DLG5: variants seen among roughly 807,000 people sequenced by gnomAD.
The protein encoded by DLG5 is disks large homolog 5.
Under a neutral mutation model 189.8 loss-of-function variants are expected in DLG5, and 48 were observed. That is an observed-to-expected ratio of 0.25 (90% CI 0.20 to 0.32). The LOEUF (loss-of-function observed/expected upper bound fraction) is 0.32, where lower values mean the gene tolerates loss of function less well. DLG5 is among the 10% of genes least tolerant of loss of function. DLG5 has a pLI of 1.00. For synonymous variants in DLG5, 1,016 were observed against 1,054.1 expected, an observed-to-expected ratio of 0.96 and a Z score of 0.70; for missense variants, 2,160 against 2,544.7, an observed-to-expected ratio of 0.85 and a Z score of 3.25.
intron 15 of DLG5, chr10:77,820,799 G>C (rs1842306740): frequency 2.2e-6 from 1 of 463,130 alleles, no homozygotes; most frequent in Admixed American, 3.8e-5. Context: ...CTATGCCCTA[G>C]GTTTTATTGT....
chr10:77,938,877 T>C, the DLG5 span, among the ~76,000 whole-genome samples: 2 of 152,132 alleles, frequency 1.3e-5, no homozygotes, highest in Non-Finnish European at 2.9e-5. Flanking sequence ...CAGAAGAGCT[T>C]TTGCACATGC....
rs1841944913 is a variant in DLG5 at position 77,814,466 on chromosome 10, TATATA to T, written c.4025+2080_4025+2084del. On this transcript the variant is annotated intron_variant, in intron 20 of 31. Transcript: ENST00000372391. ...ACATAAATAATAAAGCATGTTTATA[TATATA>T]TATATATATATATATATATATATAT... Among the ~76,000 whole-genome samples, 12 of 41,088 alleles carry T rather than the reference TATATA, an allele frequency of 2.9e-4. 1 individual carries two copies. The highest frequency in any genetic ancestry group is 1.6e-3 in the Admixed American group (6 of 3,856). 27.0% of individuals were successfully genotyped at this position (41,088 alleles called of 152,430 possible). A position where few individuals can be genotyped will look rare whatever the true frequency, so the allele number is the denominator to read the frequency against.
chr10:77,878,383 C>T (rs568410339), intron 1 of DLG5, among the ~76,000 whole-genome samples: 16 of 152,316 alleles, frequency 1.1e-4, no homozygotes, highest in South Asian at 6.2e-4. Flanking sequence ...GAGCCAGGCG[C>T]ACAGCAAGCG....
At chr10:77,808,016 G>A (rs77266162) in intron 24 of DLG5, 72 bp from the exon 25 acceptor site, 3 of 1,571,036 alleles carry the variant, frequency 1.9e-6, no homozygotes, top group African/African-American at 1.4e-5. Flanking sequence ...AGAGGGGCCA[G>A]TGCTGACCAT....
chr10:77,845,739 G>T (rs890561327), intron 5 of DLG5, among the ~76,000 whole-genome samples: 1 of 151,972 alleles, frequency 6.6e-6, no homozygotes, highest in Non-Finnish European at 1.5e-5. Flanking sequence ...TTTTAAAGCA[G>T]AACATTTTCT....
At chr10:77,919,455 C>G (rs1846469458) in intron 1 of DLG5, among the ~76,000 whole-genome samples, 1 of 151,660 alleles carries the variant, frequency 6.6e-6, no homozygotes, top group Admixed American at 6.6e-5. Flanking sequence ...GAGCAAGTCT[C>G]CCGTCAATGC....
At chr10:77,802,251 G>A (rs906302514) in intron 27 of DLG5, among the ~76,000 whole-genome samples, 1 of 152,162 alleles carries the variant, frequency 6.6e-6, no homozygotes, top group South Asian at 2.1e-4. Context: ...GCGGCCACAG[G>A]AAACTACTAC....
At chr10:77,861,937 A>T (rs889824288) in intron 2 of DLG5, among the ~76,000 whole-genome samples, 1 of 152,232 alleles carries the variant, frequency 6.6e-6, no homozygotes, top group Admixed American at 6.5e-5. Flanking sequence ...CAGAAAGTGC[A>T]GCCGATGCCT....
At chr10:77,940,671 C>T in the DLG5 span, among the ~76,000 whole-genome samples, 2 of 152,126 alleles carry the variant, frequency 1.3e-5, no homozygotes, top group South Asian at 2.1e-4. Flanking sequence ...CTGACTTACC[C>T]GAGGTCCTCT....
chr10:77,935,111 G>A, the DLG5 span, among the ~76,000 whole-genome samples: 5 of 151,834 alleles, frequency 3.3e-5, no homozygotes, highest in East Asian at 3.9e-4. Flanking sequence ...CCGCCTCGGC[G>A]TCCCAAAGTG....
intron 31 of DLG5, chr10:77,793,240 G>A (rs1840727693): frequency 6.6e-6 from 1 of 152,612 alleles, no homozygotes; most frequent in Non-Finnish European, 1.5e-5. Flanking sequence ...ACCAGTCTGT[G>A]AGGAATTGGA....
chr10:77,826,853 C>G (rs185108670), intron 13 of DLG5, among the ~76,000 whole-genome samples: 8 of 152,078 alleles, frequency 5.3e-5, no homozygotes, highest in Admixed American at 2.0e-4. Flanking sequence ...GAGGCTGAAG[C>G]AGGATAGTTA....
chr10:77,860,843 C>G (rs1265834766), intron 2 of DLG5, among the ~76,000 whole-genome samples: 3 of 152,118 alleles, frequency 2.0e-5, no homozygotes, highest in African/African-American at 7.2e-5. Context: ...TTATCTGGCA[C>G]TCCAAAGAGC....
intron 16 of DLG5, 39 bp from the exon 17 acceptor site, chr10:77,819,504 C>A: frequency 6.3e-7 from 1 of 1,587,144 alleles, no homozygotes; most frequent in Non-Finnish European, 8.6e-7. Context: ...CCCCAAAGGA[C>A]CCAGCCAGCC....
At chr10:77,804,574 A>G (rs1372067636) in intron 27 of DLG5, among the ~76,000 whole-genome samples, 1 of 152,194 alleles carries the variant, frequency 6.6e-6, no homozygotes, top group Admixed American at 6.5e-5. Context: ...ACATTCTAGG[A>G]CAGTAGACAG....
chr10:77,903,149 C>A (rs942807459), intron 1 of DLG5, among the ~76,000 whole-genome samples: 1 of 152,100 alleles, frequency 6.6e-6, no homozygotes, highest in African/African-American at 2.4e-5. Flanking sequence ...ATTAAGCAGC[C>A]GGGCGCAGCG....
At chr10:77,803,247 G>A (rs774299331) in intron 27 of DLG5, among the ~76,000 whole-genome samples, 1 of 152,214 alleles carries the variant, frequency 6.6e-6, no homozygotes, top group African/African-American at 2.4e-5. Context: ...TCTACTTTAT[G>A]TAATGAGGTA....
At chr10:77,892,134 C>A (rs188397599) in intron 1 of DLG5, among the ~76,000 whole-genome samples, 25 of 152,290 alleles carry the variant, frequency 1.6e-4, no homozygotes, top group African/African-American at 6.0e-4. Context: ...TGGGATGCCC[C>A]AGCTTCCCGG....
chr10:77,911,194 T>C (rs1846210783), intron 1 of DLG5, among the ~76,000 whole-genome samples: 1 of 152,030 alleles, frequency 6.6e-6, no homozygotes, highest in African/African-American at 2.4e-5. Context: ...ACTGGCCCAA[T>C]CTCAGCTCAT....
Sources: gnomAD v4.1 joint callset for allele counts (sites outside exome capture counted in the v4.1 genomes callset) on GRCh38, gnomAD v4.1.1 for gene constraint, MANE v1.5 for transcripts, NCBI Gene and HGNC (gene_info 2026-07-23, HGNC 2026-07-21) for gene names.